The following POU6F2 variants were observed in gnomAD, a reference collection of about 807,000 sequenced individuals.
POU6F2 encodes POU domain, class 6, transcription factor 2.
In POU6F2, 31 loss-of-function variants were observed where a neutral mutation model predicts 71.3. The observed-to-expected ratio is 0.43, with a 90% CI of 0.33 to 0.59. The LOEUF is 0.59. Among genes scored for constraint, POU6F2 ranks in the 20% least tolerant of loss-of-function variants. POU6F2 has a pLI of 0.04. For missense variants in POU6F2, 783 were observed against 856.8 expected (o/e 0.91, Z 1.07); for synonymous variants, 347 against 355.7 (o/e 0.98, Z 0.27).
intron 2 of POU6F2, among the ~76,000 whole-genome samples, chr7:39,131,180 A>G (rs76587338): frequency 0.024 from 3,699 of 151,830 alleles, 50 homozygotes; most frequent in Non-Finnish European, 0.038. Flanking sequence ...CCGGTCCTTT[A>G]TTGCTTTTTT....
intron 4 of POU6F2, among the ~76,000 whole-genome samples, chr7:39,260,549 C>CATACCACGTTCCACACACAT (rs143692558): frequency 9.4e-5 from 14 of 149,730 alleles, no homozygotes; most frequent in South Asian, 4.3e-4. Flanking sequence ...GTTCCACACA[C>CATACCACGTTCCACACACAT]ACCACATTCC....
chr7:39,252,418 A>ACACG (rs1562764085), intron 4 of POU6F2, among the ~76,000 whole-genome samples: 30 of 151,924 alleles, frequency 2.0e-4, no homozygotes, highest in Non-Finnish European at 3.4e-4. Context: ...ACACACACAC[A>ACACG]CACACACACA....
intron 1 of POU6F2, among the ~76,000 whole-genome samples, chr7:39,050,266 C>G (rs1448474929): frequency 6.6e-6 from 1 of 151,978 alleles, no homozygotes; most frequent in Non-Finnish European, 1.5e-5. Flanking sequence ...TAATGGTCAG[C>G]CAATGATTAG....
intron 4 of POU6F2, among the ~76,000 whole-genome samples, chr7:39,227,568 T>G (rs2128749422): frequency 6.7e-6 from 1 of 149,820 alleles, no homozygotes; most frequent in South Asian, 2.2e-4. Flanking sequence ...TTTTTTTTTT[T>G]TTTTGAGACG....
At chr7:39,303,850 T>C (rs1009526279) in intron 4 of POU6F2, among the ~76,000 whole-genome samples, 1 of 152,220 alleles carries the variant, frequency 6.6e-6, no homozygotes, top group Non-Finnish European at 1.5e-5. Flanking sequence ...AGTCAAGAAA[T>C]ATAATACATG....
At chr7:39,241,772 C>T (rs1377233398) in intron 4 of POU6F2, among the ~76,000 whole-genome samples, 1 of 152,028 alleles carries the variant, frequency 6.6e-6, no homozygotes, top group African/African-American at 2.4e-5. Flanking sequence ...TTACATAAAG[C>T]AAAATCCACT....
intron 4 of POU6F2, among the ~76,000 whole-genome samples, chr7:39,303,299 C>T (rs746870698): frequency 4.6e-5 from 7 of 152,110 alleles, no homozygotes; most frequent in South Asian, 2.1e-4. Flanking sequence ...AGGCACCCTC[C>T]GCCGCGCCTG....
At chr7:39,280,984 G>A (rs905343783) in intron 4 of POU6F2, among the ~76,000 whole-genome samples, 13 of 151,058 alleles carry the variant, frequency 8.6e-5, no homozygotes, top group African/African-American at 3.2e-4. Flanking sequence ...AGCACCAAAG[G>A]ACACTTTGCT....
chr7:39,415,326 C>CT (rs1562821443), intron 6 of POU6F2, among the ~76,000 whole-genome samples: 2 of 152,180 alleles, frequency 1.3e-5, no homozygotes, highest in African/African-American at 4.8e-5. Flanking sequence ...CCTGCCCCAT[C>CT]TTTTTAATTT....
intron 4 of POU6F2, among the ~76,000 whole-genome samples, chr7:39,328,004 T>TC (rs1265928076): frequency 2.6e-5 from 4 of 152,180 alleles, no homozygotes; most frequent in Non-Finnish European, 5.9e-5. Context: ...CACTGCAACC[T>TC]CCGTCTCCCA....
At chr7:39,045,191 G>A (rs1050262591) in intron 1 of POU6F2, among the ~76,000 whole-genome samples, 1 of 151,876 alleles carries the variant, frequency 6.6e-6, no homozygotes, top group African/African-American at 2.4e-5. Context: ...TAAGCATCGC[G>A]AATTCGCATC....
At chr7:39,025,695 A>G (rs374077673) in intron 1 of POU6F2, among the ~76,000 whole-genome samples, 16 of 151,418 alleles carry the variant, frequency 1.1e-4, no homozygotes, top group African/African-American at 2.2e-4. Flanking sequence ...ATGGGCAAGG[A>G]CTTCATGTCT....
intron 5 of POU6F2, among the ~76,000 whole-genome samples, chr7:39,403,226 C>T (rs1008616176): frequency 2.6e-5 from 4 of 152,122 alleles, no homozygotes; most frequent in Admixed American, 2.6e-4. Context: ...CTCTAAAATT[C>T]CAGGGAGGAG....
At chr7:39,012,482 G>C (rs1242607977) in intron 1 of POU6F2, among the ~76,000 whole-genome samples, 3 of 149,846 alleles carry the variant, frequency 2.0e-5, no homozygotes, top group Non-Finnish European at 3.0e-5. Flanking sequence ...TCCTCCCGTA[G>C]CTCAGAGTAA....
At chr7:39,324,016 G>A (rs1194246280) in intron 4 of POU6F2, among the ~76,000 whole-genome samples, 1 of 151,482 alleles carries the variant, frequency 6.6e-6, no homozygotes, top group Non-Finnish European at 1.5e-5. Flanking sequence ...GCTGAGGCAG[G>A]AGAATTGCTT....
At chr7:39,016,559 C>A (rs370613587) in intron 1 of POU6F2, among the ~76,000 whole-genome samples, 5 of 152,176 alleles carry the variant, frequency 3.3e-5, no homozygotes, top group African/African-American at 7.2e-5. Flanking sequence ...TAGCTCCCCC[C>A]CCGCTTACAG....
chr7:39,423,533 A>G (rs906551197), intron 6 of POU6F2, among the ~76,000 whole-genome samples: 1 of 152,184 alleles, frequency 6.6e-6, no homozygotes, highest in Non-Finnish European at 1.5e-5. Flanking sequence ...CATGAATAAA[A>G]CAACCTCTTA....
At chr7:39,230,580 A>G (rs1241086448) in intron 4 of POU6F2, among the ~76,000 whole-genome samples, 1 of 152,178 alleles carries the variant, frequency 6.6e-6, no homozygotes, top group East Asian at 1.9e-4. Flanking sequence ...AACCAGATGA[A>G]TTGATTAACT....
At chr7:39,238,042 G>A (rs546063157) in intron 4 of POU6F2, among the ~76,000 whole-genome samples, 31 of 152,190 alleles carry the variant, frequency 2.0e-4, no homozygotes, top group Admixed American at 1.2e-3. Context: ...AGAAAAAAGC[G>A]CACATCCCCT....
Sources: allele counts gnomAD v4.1 joint callset (sites outside exome capture counted in the v4.1 genomes callset), GRCh38; gene constraint gnomAD v4.1.1; transcripts MANE v1.5; gene names NCBI Gene and HGNC (gene_info 2026-07-23, HGNC 2026-07-21).